The following SYT9 variants were observed in gnomAD, a reference collection of about 807,000 sequenced individuals.
SYT9 encodes the protein synaptotagmin-9.
In SYT9, 22 loss-of-function variants were observed where a neutral mutation model predicts 48.4. That is an observed-to-expected ratio of 0.45 (90% confidence interval 0.32 to 0.65). SYT9 has a LOEUF of 0.65. SYT9 is among the 30% of genes least tolerant of loss of function. The pLI, the probability that SYT9 is intolerant of heterozygous loss-of-function variation, is 0.03. For missense variants in SYT9, 577 were observed against 622.0 expected, an observed-to-expected ratio of 0.93 and a Z score of 0.77; for synonymous variants, 265 against 245.0, an observed-to-expected ratio of 1.08 and a Z score of -0.76.
chr11:7,352,850 G>T (rs571871915), intron 3 of SYT9, among the ~76,000 whole-genome samples: 1 of 152,194 alleles, frequency 6.6e-6, no homozygotes, highest in African/African-American at 2.4e-5. Context: ...TCTTGACTGC[G>T]TGCAGTGATC....
intron 1 of SYT9, among the ~76,000 whole-genome samples, chr11:7,274,562 C>G (rs1321992403): frequency 6.6e-6 from 1 of 152,186 alleles, no homozygotes; most frequent in Non-Finnish European, 1.5e-5. Flanking sequence ...ACGTGATCCA[C>G]CCACCTCAGC....
intron 6 of SYT9, among the ~76,000 whole-genome samples, chr11:7,449,013 C>T (rs973741391): frequency 6.6e-6 from 1 of 152,014 alleles, no homozygotes; most frequent in African/African-American, 2.4e-5. Context: ...AGCCAAGACT[C>T]AGAGGGTTAT....
At chr11:7,406,065 TG>T (rs1319558127) in intron 3 of SYT9, among the ~76,000 whole-genome samples, 1 of 152,132 alleles carries the variant, frequency 6.6e-6, no homozygotes, top group Non-Finnish European at 1.5e-5. Context: ...TAGATATATA[TG>T]GGGTACATAT....
intron 1 of SYT9, among the ~76,000 whole-genome samples, chr11:7,296,597 T>C (rs191798013): frequency 9.2e-5 from 14 of 152,328 alleles, no homozygotes; most frequent in Non-Finnish European, 1.8e-4. Context: ...TCTCTTTCTT[T>C]TTATTTAAAT....
intron 1 of SYT9, among the ~76,000 whole-genome samples, chr11:7,244,921 T>C (rs927680379): frequency 1.3e-5 from 2 of 152,090 alleles, no homozygotes; most frequent in African/African-American, 4.8e-5. Context: ...GAGCAGGAAG[T>C]TGATGCTAAA....
chr11:7,258,262 C>A (rs1427358380), intron 1 of SYT9, among the ~76,000 whole-genome samples: 1 of 152,152 alleles, frequency 6.6e-6, no homozygotes, highest in East Asian at 1.9e-4. Flanking sequence ...AATGGGGGAG[C>A]AATCTCACTT....
intron 1 of SYT9, among the ~76,000 whole-genome samples, chr11:7,273,241 A>G (rs146514918): frequency 7.4e-4 from 112 of 152,236 alleles, no homozygotes; most frequent in African/African-American, 2.6e-3. Flanking sequence ...GTAGTTGTAA[A>G]TATGGGCCTG....
chr11:7,310,604 G>A (rs192923648), intron 2 of SYT9, among the ~76,000 whole-genome samples: 5 of 151,970 alleles, frequency 3.3e-5, no homozygotes, highest in African/African-American at 7.2e-5. Context: ...CTGCCACCAC[G>A]CCTGGCTACT....
At chr11:7,279,351 CT>C (rs1049218941) in intron 1 of SYT9, among the ~76,000 whole-genome samples, 3 of 152,114 alleles carry the variant, frequency 2.0e-5, no homozygotes, top group Admixed American at 2.0e-4. Flanking sequence ...ACCAATATGT[CT>C]TTTTTTCCGT....
rs983559098 is a variant in SYT9 at position 7,264,463 on chromosome 11, G to T, written c.145+12132G>T. On this transcript the variant is annotated intron_variant, in intron 1 of 6. Coordinates refer to ENST00000318881, the MANE Select transcript of SYT9 (RefSeq NM_175733.4). ...AGGAAAGAGTAGCAAAAGAGTTGAG[G>T]GTATGTAGAATAGATTGGAATGATT... is the stretch of plus-strand genomic sequence containing the variant. 3.3e-5 allele frequency among the ~76,000 whole-genome samples: 5 copies of T among 151,854 alleles called. No individual in the cohort carries two copies. In the East Asian group the frequency reaches 9.7e-4, roughly 29 times the overall value.
chr11:7,406,476 C>T (rs1262807565), intron 3 of SYT9, among the ~76,000 whole-genome samples: 3 of 150,640 alleles, frequency 2.0e-5, no homozygotes, highest in African/African-American at 7.3e-5. Flanking sequence ...ATTTCCATTC[C>T]TGTTGCTGCA....
intron 2 of SYT9, among the ~76,000 whole-genome samples, chr11:7,307,269 T>C (rs2133943460): frequency 6.6e-6 from 1 of 152,346 alleles, no homozygotes; most frequent in South Asian, 2.1e-4. Flanking sequence ...GTAATTATAC[T>C]ATGAGTAGCA....
At chr11:7,259,784 C>G (rs1299937364) in intron 1 of SYT9, among the ~76,000 whole-genome samples, 4 of 151,896 alleles carry the variant, frequency 2.6e-5, no homozygotes, top group African/African-American at 9.7e-5. Flanking sequence ...TGTAAATATT[C>G]TGTCAAATTA....
intron 3 of SYT9, among the ~76,000 whole-genome samples, chr11:7,396,080 T>A (rs568877735): frequency 6.6e-6 from 1 of 152,240 alleles, no homozygotes; most frequent in East Asian, 1.9e-4. Context: ...TTTTAGTCCC[T>A]TTATTAGTAT....
At chr11:7,309,854 G>A (rs1849098709) in intron 2 of SYT9, among the ~76,000 whole-genome samples, 2 of 151,886 alleles carry the variant, frequency 1.3e-5, no homozygotes, top group African/African-American at 2.4e-5. Context: ...CTCTTCTTCC[G>A]TGCCTCTCCC....
intron 3 of SYT9, among the ~76,000 whole-genome samples, chr11:7,394,113 T>TC (rs1307568142): frequency 6.6e-6 from 1 of 151,336 alleles, no homozygotes; most frequent in Non-Finnish European, 1.5e-5. Context: ...CCTCCCCCCT[T>TC]CCCCCACCCC....
At chr11:7,410,209 T>G (rs551353769) in intron 3 of SYT9, among the ~76,000 whole-genome samples, 5 of 152,302 alleles carry the variant, frequency 3.3e-5, no homozygotes, top group African/African-American at 1.2e-4. Flanking sequence ...TGAAGATACT[T>G]GATATGATTT....
At chr11:7,358,930 A>T (rs1850073739) in intron 3 of SYT9, among the ~76,000 whole-genome samples, 1 of 152,080 alleles carries the variant, frequency 6.6e-6, no homozygotes, top group African/African-American at 2.4e-5. Context: ...TACATGTGCT[A>T]TGCTGGTGCG....
In SYT9 at chr11:7,468,474, T is replaced by A. The variant is rs538929850; in HGVS notation, c.*1674T>A. The A allele has an allele frequency of 1.0e-4, 40 of 395,680 alleles. No individual in the cohort carries two copies. Among genetic ancestry groups the A allele is most frequent in the African/African-American group, 7.2e-4 (35 of 48,710 alleles). 24.5% of individuals were successfully genotyped at this position (395,680 alleles called of 1,614,324 possible). A position where few individuals can be genotyped will look rare whatever the true frequency, so the allele number is the denominator to read the frequency against. The stretch of plus-strand genomic sequence containing the variant: ...TCTGATGACATAAGGAAAACTTGGC[T>A]TCCTCTGCTCAAGGTTCCCCTCTGC... On this transcript the variant is annotated 3_prime_UTR_variant, in exon 7 of 7. Transcript: ENST00000318881.
Sources: gnomAD v4.1 joint callset for allele counts (sites outside exome capture counted in the v4.1 genomes callset) on GRCh38, gnomAD v4.1.1 for gene constraint, MANE v1.5 for transcripts, NCBI Gene and HGNC (gene_info 2026-07-23, HGNC 2026-07-21) for gene names.